Variants in MYT1 observed in about 807,000 individuals in gnomAD.
MYT1 encodes the protein myelin transcription factor 1.
Under a neutral mutation model 123.0 loss-of-function variants are expected in MYT1, and 23 were observed. That is an observed-to-expected ratio of 0.19 (90% CI 0.13 to 0.26). The LOEUF (loss-of-function observed/expected upper bound fraction) is 0.26, where lower values mean the gene tolerates loss of function less well. MYT1 is among the 10% of genes least tolerant of loss of function. MYT1 has a pLI of 1.00. For missense variants in MYT1, 1,125 were observed against 1,472.5 expected, an observed-to-expected ratio of 0.76 and a Z score of 3.86; for synonymous variants, 518 against 575.3, an observed-to-expected ratio of 0.90 and a Z score of 1.43.
At position 64,173,751 on chromosome 20, in the gene MYT1, CCTG is replaced by C. The variant is rs756967577; in HGVS notation, c.-99+9013_-99+9015del. On this transcript the variant is annotated intron_variant, in intron 1 of 22. Coordinates refer to ENST00000328439, the MANE Select transcript of MYT1 (RefSeq NM_004535.3). The stretch of plus-strand genomic sequence containing the variant: ...GACTTCTCCTCCTGCAGCATCCTTC[CCTG>C]TAGTTGTGTCCATTTCCCCTCCCTG... Among the ~76,000 whole-genome samples the C allele has an allele frequency of 6.5e-3, 337 of 51,576 alleles. 12 individuals are homozygous for C. Among genetic ancestry groups the C allele is most frequent in the South Asian group, 0.048 (29 of 600 alleles). The allele number at this position is 51,576 out of a possible 152,430, so 33.8% of individuals were successfully genotyped here.
chr20:64,227,423 C>G lies in MYT1; in HGVS notation c.2537C>G (p.Thr846Arg), dbSNP rs766920044. Reference sequence around the variant, plus strand: ...TCTGCTTCCCTCTGCAGGTGCCCCACGCCCGGCTGTGACGGCTCTGGCCAC... The same window carrying G: ...TCTGCTTCCCTCTGCAGGTGCCCCAGGCCCGGCTGTGACGGCTCTGGCCAC... ...AAHSADLKCP[T>R]PGCDGSGHIT... The change falls in exon 17 of 23, where the codon ACG becomes AGG. Residue 846 changes from threonine to arginine, a missense_variant. Physicochemically the swap from Thr to Arg is moderately conservative, Grantham distance 71. This residue lies in a region of MYT1 where 47 missense variants were observed against 113.1 expected (regional missense o/e 0.42). Coordinates refer to ENST00000328439, the MANE Select transcript of MYT1 (RefSeq NM_004535.3). 6.2e-7 allele frequency: 1 copy of G among 1,612,724 alleles called. No homozygotes were observed. The highest frequency in any genetic ancestry group is 1.1e-5 in the South Asian group (1 of 91,062).
Position 64,208,501 on chromosome 20 carries a change from G to T in MYT1, c.1291+14G>T, listed in dbSNP as rs1337680369. On this transcript the variant is annotated intron_variant, in intron 7 of 22. Coordinates refer to ENST00000328439, the MANE Select transcript of MYT1 (RefSeq NM_004535.3). The surrounding 1 kb of genome is among the most constrained non-coding windows in gnomAD (Gnocchi z 5.4). Reference sequence around the variant, plus strand: ...ACTACAGTAAAGGTAGGGCTCAGGGGTGGCCTGGCCCTGCAGACTCATCCT... The same window carrying T: ...ACTACAGTAAAGGTAGGGCTCAGGGTTGGCCTGGCCCTGCAGACTCATCCT... 2 of 1,575,210 alleles carry T rather than the reference G, an allele frequency of 1.3e-6. No individual in the cohort carries two copies. The highest frequency in any genetic ancestry group is 1.2e-5 in the South Asian group (1 of 84,892).
chr20:64,215,804 G>T (rs1421367977), intron 10 of MYT1, among the ~76,000 whole-genome samples: 1 of 145,202 alleles, frequency 6.9e-6, no homozygotes, highest in Non-Finnish European at 1.5e-5. Flanking sequence ...TCACTAGGTT[G>T]CCCAAGCCGG....
chr20:64,167,436 T>C lies in MYT1; in HGVS notation c.-99+2697T>C, dbSNP rs900478328. Among the ~76,000 whole-genome samples, 4 of 152,020 alleles carry C rather than the reference T, an allele frequency of 2.6e-5. No individual in the cohort carries two copies. Among genetic ancestry groups the C allele is most frequent in the Non-Finnish European group, 5.9e-5 (4 of 67,998 alleles). ...AGAACACTTTGGTCAGCACCGGGCCTGGAGTAGATGAGGAGGTAGAGAACT... is the reference window on the plus strand; with the variant it reads ...AGAACACTTTGGTCAGCACCGGGCCCGGAGTAGATGAGGAGGTAGAGAACT... On this transcript the variant is annotated intron_variant, in intron 1 of 22. Coordinates refer to ENST00000328439, the MANE Select transcript of MYT1 (RefSeq NM_004535.3). The surrounding 1 kb of genome is among the most constrained non-coding windows in gnomAD (Gnocchi z 6.3).
intron 1 of MYT1, among the ~76,000 whole-genome samples, chr20:64,165,487 G>T (rs1430481040): frequency 6.6e-6 from 1 of 152,146 alleles, no homozygotes; most frequent in South Asian, 2.1e-4. Flanking sequence ...TAGTTCTGGG[G>T]CCGTGGACTT....
intron 10 of MYT1, among the ~76,000 whole-genome samples, chr20:64,216,800 A>T (rs910286092): frequency 1.3e-5 from 2 of 152,220 alleles, no homozygotes; most frequent in Admixed American, 1.3e-4. Flanking sequence ...TGCTGTCAGC[A>T]GGACAGGCCA....
chr20:64,213,656 G>A lies in MYT1; in HGVS notation c.1631+9G>A. On this transcript the variant is annotated intron_variant, in intron 10 of 22. Transcript: ENST00000328439. The surrounding 1 kb of genome is among the most constrained non-coding windows in gnomAD (Gnocchi z 5.6). ...TCCGATCGGATCCTCAGGTGAGTGA[G>A]ATGAGCCACAGAACTGAAGAGGCTG... 1 of 1,611,050 alleles carries A rather than the reference G, an allele frequency of 6.2e-7. No individual in the cohort carries two copies. Among genetic ancestry groups the A allele is most frequent in the Non-Finnish European group, 8.5e-7 (1 of 1,177,550 alleles).
At position 64,218,963 on chromosome 20, in the gene MYT1, C is replaced by T. The variant is rs564554656; in HGVS notation, c.1899C>T (p.Ile633=). The change falls in exon 12 of 23, where the codon ATC becomes ATT. Residue 633 remains isoleucine (I), a synonymous_variant. Coordinates refer to ENST00000328439, the MANE Select transcript of MYT1 (RefSeq NM_004535.3). The surrounding 1 kb of genome is among the most constrained non-coding windows in gnomAD (Gnocchi z 4.0). ...CTGCACACATGGCTGCCACTGCCATCCTGAACCTCTCCACGCGCTGCTGGG... is the reference window on the plus strand; with the variant it reads ...CTGCACACATGGCTGCCACTGCCATTCTGAACCTCTCCACGCGCTGCTGGG... ...AEAAHMAATA[I]LNLSTRCWEM... 22 of 1,613,816 alleles carry T rather than the reference C, an allele frequency of 1.4e-5. No individual in the cohort carries two copies. In the South Asian group the frequency reaches 2.4e-4, roughly 18 times the overall value.
intron 14 of MYT1, among the ~76,000 whole-genome samples, chr20:64,222,329 G>A (rs1017226284): frequency 3.9e-5 from 6 of 152,256 alleles, no homozygotes; most frequent in African/African-American, 1.4e-4. Flanking sequence ...CAGGGGCAGA[G>A]TGGAGGAGAG....
intron 21 of MYT1, 25 bp downstream of exon 21, chr20:64,237,415 T>C (rs757220946): frequency 1.3e-6 from 2 of 1,554,986 alleles, no homozygotes; most frequent in Non-Finnish European, 1.8e-6. Flanking sequence ...CCCCCGCTCC[T>C]GGGCTCTTTG....
rs1984334826 is a variant in MYT1 at position 64,232,040 on chromosome 20, G to A, written c.2676-124G>A. On this transcript the variant is annotated intron_variant, in intron 18 of 22. Transcript: ENST00000328439. The surrounding 1 kb of genome is among the most constrained non-coding windows in gnomAD (Gnocchi z 6.9). ...CTCCAGGACCTCAGCGGCCCTCCCT[G>A]CCTCACTCAGAAGCCCTTTAACGGC... 2.1e-6 allele frequency: 2 copies of A among 941,818 alleles called. No homozygotes were observed. Among genetic ancestry groups the A allele is most frequent in the Admixed American group, 2.2e-5 (1 of 45,092 alleles). The allele number at this position is 941,818 out of a possible 1,614,324, so 58.3% of individuals were successfully genotyped here. A position where few individuals can be genotyped will look rare whatever the true frequency, so the allele number is the denominator to read the frequency against.
chr20:64,171,566 C>T, intron 1 of MYT1, among the ~76,000 whole-genome samples: 1 of 152,216 alleles, frequency 6.6e-6, no homozygotes, highest in East Asian at 1.9e-4. Flanking sequence ...GAGCCTTTGT[C>T]CTTGGCTGAC....
intron 19 of MYT1, among the ~76,000 whole-genome samples, chr20:64,236,195 T>C (rs1485993890): frequency 2.0e-4 from 20 of 99,214 alleles, no homozygotes; most frequent in Admixed American, 2.0e-4. Flanking sequence ...GGGATGGCCG[T>C]GGTGGGTGAC....
Position 64,219,956 on chromosome 20 carries a change from C to T in MYT1, c.2215C>T (p.Arg739Cys), listed in dbSNP as rs781237071. 11 of 1,518,282 alleles carry T rather than the reference C, an allele frequency of 7.2e-6. No homozygotes were observed. Among genetic ancestry groups the T allele is most frequent in the African/African-American group, 4.2e-5 (3 of 71,710 alleles). 94.1% of individuals were successfully genotyped at this position (1,518,282 alleles called of 1,614,324 possible). A position where few individuals can be genotyped will look rare whatever the true frequency, so the allele number is the denominator to read the frequency against. ...DRPLDYTKPS[R>C]LREEEPEESE... ...GCCCCTGGACTACACCAAGCCTAGC[C>T]GCCTGAGAGAGGAGGAACCTGAGGA... Residue 739 changes from arginine (R) to cysteine (C), a missense_variant, in exon 13 of 23, where the codon CGC becomes TGC. Arg to Cys is a radical substitution (Grantham distance 180). Transcript: ENST00000328439.
rs868550783 is a variant in MYT1 at position 64,186,983 on chromosome 20, T to C, written c.-98-3080T>C. Among the ~76,000 whole-genome samples the C allele has an allele frequency of 6.2e-5, 9 of 145,122 alleles. No individual in the cohort carries two copies. The highest frequency in any genetic ancestry group is 9.0e-5 in the Non-Finnish European group (6 of 66,680). Reference sequence around the variant, plus strand: ...TCCACGTTTCCGTGGAGAGTTTTCCTGTAGCCTGTGGCCCCGGCATCCACG... The same window carrying C: ...TCCACGTTTCCGTGGAGAGTTTTCCCGTAGCCTGTGGCCCCGGCATCCACG... On this transcript the variant is annotated intron_variant, in intron 1 of 22. Transcript: ENST00000328439. The surrounding 1 kb of genome is among the most constrained non-coding windows in gnomAD (Gnocchi z 4.3).
intron 18 of MYT1, among the ~76,000 whole-genome samples, chr20:64,230,637 C>A (rs971296837): frequency 2.6e-5 from 4 of 152,252 alleles, no homozygotes; most frequent in Admixed American, 1.3e-4. Context: ...GTGCAGGTGT[C>A]CCCCAGGGTC....
At chr20:64,198,962 C>T in intron 3 of MYT1, 46 bp downstream of exon 3, 1 of 1,601,998 alleles carries the variant, frequency 6.2e-7, no homozygotes, top group Non-Finnish European at 8.5e-7. Flanking sequence ...TGCCACTTTC[C>T]TCCGCGGTCT....
Position 64,223,188 on chromosome 20 carries a change from C to T in MYT1, c.2459+15C>T, listed in dbSNP as rs879161568. The T allele has an allele frequency of 7.4e-6, 12 of 1,614,196 alleles. No homozygotes were observed. The highest frequency in any genetic ancestry group is 2.2e-5 in the East Asian group (1 of 44,878). ...TCCCACCGCAGGTTTGTCTCCTGCT[C>T]GGGTCCGTCTGGCCTGGGTGCTTCG... On this transcript the variant is annotated intron_variant, in intron 15 of 22. Coordinates refer to ENST00000328439, the MANE Select transcript of MYT1 (RefSeq NM_004535.3).
intron 1 of MYT1, among the ~76,000 whole-genome samples, chr20:64,178,870 A>C (rs1432050002): frequency 7.9e-6 from 1 of 126,634 alleles, no homozygotes; most frequent in East Asian, 2.6e-4. Flanking sequence ...ATACCCTTCA[A>C]CGTGGGAGCA....
Sources: gnomAD v4.1 joint callset for allele counts (sites outside exome capture counted in the v4.1 genomes callset) on GRCh38, gnomAD v4.1.1 for gene constraint, gnomAD v4.1.1 regional missense constraint, Gnocchi (gnomAD v3.1) non-coding constraint, MANE v1.5 for transcripts, NCBI Gene and HGNC (gene_info 2026-07-23, HGNC 2026-07-21) for gene names.